The following MICAL2 variants were observed in gnomAD, a reference collection of about 807,000 sequenced individuals.
MICAL2 encodes microtubule associated monooxygenase, calponin and LIM domain containing 2.
In MICAL2, 77 loss-of-function variants were observed where a neutral mutation model predicts 127.3. The observed-to-expected ratio is 0.60, with a 90% CI of 0.50 to 0.73. The LOEUF (loss-of-function observed/expected upper bound fraction) is 0.73, where lower values mean the gene tolerates loss of function less well. Among genes scored for constraint, MICAL2 ranks in the 30% least tolerant of loss-of-function variants. MICAL2 has a pLI of 0.00. For synonymous variants in MICAL2, 570 were observed against 551.1 expected (o/e 1.03, Z -0.48); for missense variants, 1,351 against 1,434.4 (o/e 0.94, Z 0.94).
At chr11:12,272,060 G>A (rs1463508552), upstream of MICAL2, among the ~76,000 whole-genome samples, 1 of 152,218 alleles carries the variant, frequency 6.6e-6, no homozygotes, top group African/African-American at 2.4e-5. Context: ...AGCCCAGGGA[G>A]CCAGGCTGAG....
At chr11:12,135,486 C>T (rs1450021656) in intron 1 of MICAL2, among the ~76,000 whole-genome samples, 11 of 152,164 alleles carry the variant, frequency 7.2e-5, no homozygotes, top group Admixed American at 7.2e-4. Context: ...ACATCACCTC[C>T]AAGCACCTGC....
At chr11:12,302,031 C>G (rs1864053176) in intron 29 of MICAL2, among the ~76,000 whole-genome samples, 1 of 152,192 alleles carries the variant, frequency 6.6e-6, no homozygotes, top group Non-Finnish European at 1.5e-5. Flanking sequence ...ATTATTCTGG[C>G]AACCTTGAGT....
downstream of MICAL2, among the ~76,000 whole-genome samples, chr11:12,361,769 G>T (rs80012516): frequency 1.0e-3 from 159 of 152,364 alleles, no homozygotes; most frequent in African/African-American, 3.6e-3. Flanking sequence ...CCAGGAAGCA[G>T]ATTTACAGGC....
At chr11:12,247,710 C>T (rs997619612) in intron 21 of MICAL2, among the ~76,000 whole-genome samples, 1 of 152,212 alleles carries the variant, frequency 6.6e-6, no homozygotes, top group African/African-American at 2.4e-5. Flanking sequence ...TTTGCACATG[C>T]AGAATTTGGC....
chr11:12,210,757 C>T (rs1207929221), intron 6 of MICAL2, among the ~76,000 whole-genome samples: 4 of 152,116 alleles, frequency 2.6e-5, no homozygotes, highest in Non-Finnish European at 5.9e-5. Context: ...AGTGATGGAG[C>T]CATTTGAGCC....
chr11:12,257,294 C>A (rs1354099284), intron 24 of MICAL2: 2 of 267,884 alleles, frequency 7.5e-6, no homozygotes, highest in Non-Finnish European at 1.4e-5. Context: ...GAAAATCCAA[C>A]CTGATACTCT....
At chr11:12,331,863 A>G (rs1327958534) in intron 32 of MICAL2, among the ~76,000 whole-genome samples, 2 of 152,294 alleles carry the variant, frequency 1.3e-5, no homozygotes, top group South Asian at 2.1e-4. Flanking sequence ...TTATGTCCCT[A>G]TTATTATAAA....
chr11:12,297,705 A>G (rs547070129), intron 29 of MICAL2, among the ~76,000 whole-genome samples: 1 of 152,086 alleles, frequency 6.6e-6, no homozygotes, highest in East Asian at 1.9e-4. Flanking sequence ...ATAAAATGTG[A>G]GCTATAGATT....
At chr11:12,276,014 G>A, upstream of MICAL2, 2 of 399,300 alleles carry the variant, frequency 5.0e-6, no homozygotes, top group Non-Finnish European at 8.8e-6. Context: ...AGAGGCCGAA[G>A]AGCATCTCTG....
At position 12,257,860 on chromosome 11, in the gene MICAL2, T is replaced by C. The variant is rs559947147; in HGVS notation, c.3143-608T>C. On this transcript the variant is annotated intron_variant, in intron 24 of 27. Coordinates refer to ENST00000683283, the MANE Select transcript of MICAL2 (RefSeq NM_001282663.2). Reference sequence around the variant, plus strand: ...GGCTTGTCTGGAAGGCGCACAGTGGTCCTGGGCAGTGGCAGTTTCCCAGTG... The same window carrying C: ...GGCTTGTCTGGAAGGCGCACAGTGGCCCTGGGCAGTGGCAGTTTCCCAGTG... 1.1e-3 allele frequency among the ~76,000 whole-genome samples: 168 copies of C among 152,306 alleles called. 1 individual carries two copies. Among genetic ancestry groups the C allele is most frequent in the Middle Eastern group, 0.01 (3 of 294 alleles).
intron 32 of MICAL2, among the ~76,000 whole-genome samples, chr11:12,344,075 C>T (rs147780651): frequency 0.015 from 2,234 of 152,228 alleles, 27 homozygotes; most frequent in South Asian, 0.025. Context: ...GCAGGTGGAT[C>T]GCTTGAGCCC....
At chr11:12,176,835 T>A (rs948174076) in intron 3 of MICAL2, among the ~76,000 whole-genome samples, 8 of 152,236 alleles carry the variant, frequency 5.3e-5, no homozygotes, top group African/African-American at 1.9e-4. Flanking sequence ...CTGAATAATA[T>A]TCCATTGTAT....
At chr11:12,169,911 G>A (rs1179049553) in intron 3 of MICAL2, among the ~76,000 whole-genome samples, 1 of 152,220 alleles carries the variant, frequency 6.6e-6, no homozygotes, top group Non-Finnish European at 1.5e-5. Context: ...TAAAAAGAGA[G>A]TGCAGTAAGA....
Position 12,243,721 on chromosome 11 carries a change from C to T in MICAL2, c.2659-266C>T, listed in dbSNP as rs543510276. Among the ~76,000 whole-genome samples the T allele has an allele frequency of 2.4e-4, 36 of 152,274 alleles. 1 individual carries two copies. In the South Asian group the frequency reaches 6.0e-3, roughly 25 times the overall value. ...TGGTAATTGGCATCGGTGTCTGAGG[C>T]GGATGTAGGCAGGAACAGATTGAAT... On this transcript the variant is annotated intron_variant, in intron 20 of 27. Coordinates refer to ENST00000683283, the MANE Select transcript of MICAL2 (RefSeq NM_001282663.2).
At chr11:12,134,458 G>C (rs759405659) in intron 1 of MICAL2, among the ~76,000 whole-genome samples, 1 of 152,148 alleles carries the variant, frequency 6.6e-6, no homozygotes, top group Non-Finnish European at 1.5e-5. Flanking sequence ...TGTTGGTTTC[G>C]GTAACTTCTT....
chr11:12,247,678 C>T (rs887659708), intron 21 of MICAL2, among the ~76,000 whole-genome samples: 2 of 152,234 alleles, frequency 1.3e-5, no homozygotes, highest in Non-Finnish European at 2.9e-5. Flanking sequence ...AACTCTGCCC[C>T]ACCATTGATT....
intron 32 of MICAL2, among the ~76,000 whole-genome samples, chr11:12,335,815 A>C (rs1404631854): frequency 6.6e-6 from 1 of 151,924 alleles, no homozygotes; most frequent in East Asian, 1.9e-4. Flanking sequence ...TGGTCTGTGT[A>C]TCTGTTTTGG....
intron 1 of MICAL2, among the ~76,000 whole-genome samples, chr11:12,133,619 A>AG (rs1851602625): frequency 6.6e-6 from 1 of 151,634 alleles, no homozygotes; most frequent in Non-Finnish European, 1.5e-5. Flanking sequence ...CAGGTGACTG[A>AG]GAAAAAAAAA....
chr11:12,115,956 A>C (rs1208956168), intron 1 of MICAL2, among the ~76,000 whole-genome samples: 1 of 151,762 alleles, frequency 6.6e-6, no homozygotes, highest in Non-Finnish European at 1.5e-5. Context: ...GAAAGTTAGA[A>C]AATACTACCC....
Sources: gnomAD v4.1 joint callset for allele counts (sites outside exome capture counted in the v4.1 genomes callset) on GRCh38, gnomAD v4.1.1 for gene constraint, MANE v1.5 for transcripts, NCBI Gene and HGNC (gene_info 2026-07-23, HGNC 2026-07-21) for gene names.